Variants in SPDEF observed in about 807,000 individuals in gnomAD.
SPDEF encodes SAM pointed domain containing ETS transcription factor.
In SPDEF, 12 loss-of-function variants were observed where a neutral mutation model predicts 36.0. That is an observed-to-expected ratio of 0.33 (90% confidence interval 0.21 to 0.54). SPDEF has a LOEUF of 0.54. Among genes scored for constraint, SPDEF ranks in the 20% least tolerant of loss-of-function variants. SPDEF has a pLI of 0.93. For synonymous variants in SPDEF, 205 were observed against 193.0 expected, an observed-to-expected ratio of 1.06 and a Z score of -0.51; for missense variants, 388 against 456.9, an observed-to-expected ratio of 0.85 and a Z score of 1.37.
chr6:34,540,931 T>A (rs1767805192), intron 3 of SPDEF, 53 bp downstream of exon 3: 1 of 1,539,984 alleles, frequency 6.5e-7, no homozygotes, highest in African/African-American at 1.4e-5. Context: ...GCCAGCATCC[T>A]GTCCCTGGCT....
At chr6:34,548,718 C>T (rs758185877) in intron 1 of SPDEF, among the ~76,000 whole-genome samples, 2 of 152,194 alleles carry the variant, frequency 1.3e-5, no homozygotes, top group African/African-American at 2.4e-5. Flanking sequence ...GTGGGCACAA[C>T]ATGGCTATTT....
chr6:34,542,565 C>T lies in SPDEF; in HGVS notation c.437-1384G>A, dbSNP rs138196128. Reference sequence around the variant, plus strand: ...TGTGTTGTGTTCACCACTCAATTCCCCCGTCCTAGAATAAGGCTTGGCATA... The same window carrying T: ...TGTGTTGTGTTCACCACTCAATTCCTCCGTCCTAGAATAAGGCTTGGCATA... On this transcript the variant is annotated intron_variant, in intron 2 of 5. Coordinates refer to ENST00000374037, the MANE Select transcript of SPDEF (RefSeq NM_012391.3). Among the ~76,000 whole-genome samples, 717 of 152,368 alleles carry T rather than the reference C, an allele frequency of 4.7e-3. 5 individuals are homozygous for T. Among genetic ancestry groups the T allele is most frequent in the Middle Eastern group, 0.017 (5 of 294 alleles).
chr6:34,544,127 C>T lies in SPDEF; in HGVS notation c.329G>A (p.Gly110Asp). 4 of 1,613,868 alleles carry T rather than the reference C, an allele frequency of 2.5e-6. No individual in the cohort carries two copies. Among genetic ancestry groups the T allele is most frequent in the Non-Finnish European group, 3.4e-6 (4 of 1,179,928 alleles). ...CGAGTGCTCCTCCAAGGTCAGCCCG[C>T]CGGGCACCAAGTCCAGGCTGCCCGC... is the stretch of plus-strand genomic sequence containing the variant. ...APAGSLDLVP[G>D]GLTLEEHSLE... The change falls in exon 2 of 6, where the codon GGC becomes GAC. Residue 110 changes from glycine to aspartate, a missense_variant. Gly to Asp is a moderately conservative substitution (Grantham distance 94, BLOSUM62 -1). Transcript: ENST00000374037. This position sits in a 1 kb window ranked among gnomAD's most constrained non-coding sequence, Gnocchi z 4.4.
chr6:34,552,606 C>G lies in SPDEF; in HGVS notation c.-30+3323G>C, dbSNP rs557940078. 2.6e-5 allele frequency among the ~76,000 whole-genome samples: 4 copies of G among 152,320 alleles called. No individual in the cohort carries two copies. The highest frequency in any genetic ancestry group is 3.9e-4 in the East Asian group (2 of 5,176). On this transcript the variant is annotated intron_variant, in intron 1 of 5. Coordinates refer to ENST00000374037, the MANE Select transcript of SPDEF (RefSeq NM_012391.3). This position sits in a 1 kb window ranked among gnomAD's most constrained non-coding sequence, Gnocchi z 4.6. Reference sequence around the variant, plus strand: ...GCCCTCCACACACCTGGTTGTTGGTCTGTAAAATCTTGATGGGCTGAAGGG... The same window carrying G: ...GCCCTCCACACACCTGGTTGTTGGTGTGTAAAATCTTGATGGGCTGAAGGG...
chr6:34,537,918 A>G lies in SPDEF; in HGVS notation c.*356T>C. Reference sequence around the variant, plus strand: ...GTGGTGCAGAATGGGAGGCAGGGGGATGGAGCAGAGAGAGGCCTGGACTGC... The same window carrying G: ...GTGGTGCAGAATGGGAGGCAGGGGGGTGGAGCAGAGAGAGGCCTGGACTGC... On this transcript the variant is annotated 3_prime_UTR_variant, in exon 6 of 6. Transcript: ENST00000374037. 3.8e-5 allele frequency: 8 copies of G among 212,100 alleles called. No individual in the cohort carries two copies. The highest frequency in any genetic ancestry group is 1.1e-4 in the East Asian group (1 of 9,390). 13.1% of individuals were successfully genotyped at this position (212,100 alleles called of 1,614,324 possible).
chr6:34,539,806 G>A lies in SPDEF; in HGVS notation c.635-244C>T, dbSNP rs1425598185. The stretch of plus-strand genomic sequence containing the variant: ...GGGCTTGCATGCAACCCCTTGTTCA[G>A]ATGAGGACATCTGACATGGGGGCTT... On this transcript the variant is annotated intron_variant, in intron 3 of 5. Transcript: ENST00000374037. This position sits in a 1 kb window ranked among gnomAD's most constrained non-coding sequence, Gnocchi z 5.2. 2.0e-5 allele frequency among the ~76,000 whole-genome samples: 3 copies of A among 152,230 alleles called. No individual in the cohort carries two copies. Among genetic ancestry groups the A allele is most frequent in the African/African-American group, 7.2e-5 (3 of 41,462 alleles).
rs1037528905 is a variant in SPDEF, at chr6:34,538,668, G to T, written c.830-216C>A. On this transcript the variant is annotated intron_variant, in intron 5 of 5. Coordinates refer to ENST00000374037, the MANE Select transcript of SPDEF (RefSeq NM_012391.3). This position sits in a 1 kb window ranked among gnomAD's most constrained non-coding sequence, Gnocchi z 5.9. ...GACGTGTGCAAAGCAGGTGCCACAG[G>T]CCCCAGTGAATGGCAGAGAATACTC... Among the ~76,000 whole-genome samples the T allele has an allele frequency of 2.6e-5, 4 of 152,168 alleles. No individual in the cohort carries two copies. Among genetic ancestry groups the T allele is most frequent in the African/African-American group, 9.7e-5 (4 of 41,424 alleles).
At chr6:34,551,779 A>G (rs1034295532) in intron 1 of SPDEF, among the ~76,000 whole-genome samples, 1 of 152,034 alleles carries the variant, frequency 6.6e-6, no homozygotes, top group Non-Finnish European at 1.5e-5. Flanking sequence ...CCAGCTGCCC[A>G]TCAGGCCTGG....
intron 1 of SPDEF, among the ~76,000 whole-genome samples, chr6:34,551,127 C>G (rs1033302377): frequency 6.6e-6 from 1 of 152,204 alleles, no homozygotes; most frequent in Non-Finnish European, 1.5e-5. Context: ...ACTCAAGACT[C>G]GGCTCCACCC....
intron 1 of SPDEF, among the ~76,000 whole-genome samples, chr6:34,554,183 A>G (rs933650379): frequency 6.6e-6 from 1 of 151,988 alleles, no homozygotes; most frequent in African/African-American, 2.4e-5. Context: ...GACTAAATTA[A>G]CTTCCCCGGG....
At position 34,552,157 on chromosome 6, in the gene SPDEF, G is replaced by A. The variant is rs182883883; in HGVS notation, c.-30+3772C>T. Among the ~76,000 whole-genome samples the A allele has an allele frequency of 1.4e-4, 22 of 151,942 alleles. No homozygotes were observed. Among genetic ancestry groups the A allele is most frequent in the South Asian group, 4.2e-4 (2 of 4,804 alleles). On this transcript the variant is annotated intron_variant, in intron 1 of 5. Transcript: ENST00000374037. The surrounding 1 kb of genome is among the most constrained non-coding windows in gnomAD (Gnocchi z 4.6). ...GTCTCGTCCTCACCCCCAAATCGCC[G>A]GTACACTCCTTGAAGGGCCGGCCAC...
chr6:34,547,590 C>T (rs1430706564), intron 1 of SPDEF, among the ~76,000 whole-genome samples: 2 of 152,144 alleles, frequency 1.3e-5, no homozygotes, highest in Non-Finnish European at 2.9e-5. Flanking sequence ...TGGTCTCGAA[C>T]TCCTGGGCTC....
chr6:34,550,208 TC>T (rs534376924), intron 1 of SPDEF, among the ~76,000 whole-genome samples: 18 of 152,050 alleles, frequency 1.2e-4, no homozygotes, highest in African/African-American at 3.6e-4. Context: ...CTGCTGTTCC[TC>T]CCACCCCTTC....
intron 3 of SPDEF, among the ~76,000 whole-genome samples, chr6:34,540,015 G>T (rs1767783986): frequency 6.6e-6 from 1 of 152,156 alleles, no homozygotes; most frequent in Non-Finnish European, 1.5e-5. Context: ...AGAAATTTAG[G>T]GCAGGCCGGG....
rs556596267 is a variant in SPDEF at position 34,538,093 on chromosome 6, C to T, written c.*181G>A. ...AGGAAGCACCCCTGCCCCAGGGTCCCGAAGGCCCCAGAGGACCCATATCCC... is the reference window on the plus strand; with the variant it reads ...AGGAAGCACCCCTGCCCCAGGGTCCTGAAGGCCCCAGAGGACCCATATCCC... On this transcript the variant is annotated 3_prime_UTR_variant, in exon 6 of 6. Coordinates refer to ENST00000374037, the MANE Select transcript of SPDEF (RefSeq NM_012391.3). The surrounding 1 kb of genome is among the most constrained non-coding windows in gnomAD (Gnocchi z 5.9). 3.2e-4 allele frequency: 196 copies of T among 605,580 alleles called. No homozygotes were observed. Among genetic ancestry groups the T allele is most frequent in the African/African-American group, 2.9e-3 (158 of 54,236 alleles). 37.5% of individuals were successfully genotyped at this position (605,580 alleles called of 1,614,324 possible). A position where few individuals can be genotyped will look rare whatever the true frequency, so the allele number is the denominator to read the frequency against.
chr6:34,553,427 G>A (rs1483594623), intron 1 of SPDEF, among the ~76,000 whole-genome samples: 1 of 152,120 alleles, frequency 6.6e-6, no homozygotes, highest in Non-Finnish European at 1.5e-5. Context: ...ACGGGGTGGG[G>A]GTGGGGACCA....
chr6:34,547,644 G>A (rs1328369215), intron 1 of SPDEF, among the ~76,000 whole-genome samples: 2 of 152,140 alleles, frequency 1.3e-5, no homozygotes, highest in Admixed American at 6.5e-5. Flanking sequence ...TGGGATTATA[G>A]GCACAAGCTA....
intron 3 of SPDEF, among the ~76,000 whole-genome samples, chr6:34,540,542 G>A (rs1316307475): frequency 1.3e-5 from 2 of 151,898 alleles, no homozygotes; most frequent in Admixed American, 1.3e-4. Flanking sequence ...GCTGGGGGTC[G>A]GGAGCGGGAG....
intron 1 of SPDEF, among the ~76,000 whole-genome samples, chr6:34,551,989 C>T (rs1031581181): frequency 4.6e-5 from 7 of 152,158 alleles, no homozygotes; most frequent in African/African-American, 1.7e-4. Context: ...CTGGTTGAGC[C>T]CATGTGTATA....
Sources: gnomAD v4.1 joint callset for allele counts (sites outside exome capture counted in the v4.1 genomes callset) on GRCh38, gnomAD v4.1.1 for gene constraint, Gnocchi (gnomAD v3.1) non-coding constraint, MANE v1.5 for transcripts, NCBI Gene and HGNC (gene_info 2026-07-23, HGNC 2026-07-21) for gene names.